Variants in ENOX1 observed in about 807,000 individuals in gnomAD.
The protein encoded by ENOX1 is ecto-NOX disulfide-thiol exchanger 1.
In ENOX1, 42 loss-of-function variants were observed where a neutral mutation model predicts 82.5. The observed-to-expected ratio is 0.51, with a 90% confidence interval of 0.40 to 0.66. The LOEUF is 0.66. Among genes scored for constraint, ENOX1 ranks in the 30% least tolerant of loss-of-function variants. The probability of loss-of-function intolerance (pLI) is 0.00; values close to 1 mark genes in which losing one functional copy is unlikely to be tolerated. For missense variants in ENOX1, 608 were observed against 811.6 expected, an observed-to-expected ratio of 0.75 and a Z score of 3.05; for synonymous variants, 271 against 282.2, an observed-to-expected ratio of 0.96 and a Z score of 0.40.
chr13:43,642,419 C>G (rs911800275), intron 2 of ENOX1, among the ~76,000 whole-genome samples: 3 of 152,072 alleles, frequency 2.0e-5, no homozygotes, highest in African/African-American at 7.2e-5. Flanking sequence ...AGAGTTTAAA[C>G]AAGAAAGTTT....
intron 1 of ENOX1, among the ~76,000 whole-genome samples, chr13:43,707,729 C>A (rs570730081): frequency 2.6e-4 from 12 of 46,336 alleles, no homozygotes; most frequent in African/African-American, 7.3e-4. Flanking sequence ...AAGACTCTGT[C>A]TCAAAAAAAA....
intron 12 of ENOX1, among the ~76,000 whole-genome samples, chr13:43,288,276 C>A (rs910142981): frequency 6.6e-6 from 1 of 152,138 alleles, no homozygotes; most frequent in African/African-American, 2.4e-5. Context: ...TAAGATTTTT[C>A]TGATTCTAGT....
rs116259060 is a variant in ENOX1 at position 43,405,525 on chromosome 13, C to G, written c.208+6391G>C. Reference sequence around the variant, plus strand: ...AAGGAAATGAGCCATCTTACCCATCCTTCTCTTTCAGCCTTCCCCACCTTC... The same window carrying G: ...AAGGAAATGAGCCATCTTACCCATCGTTCTCTTTCAGCCTTCCCCACCTTC... On this transcript the variant is annotated intron_variant, in intron 5 of 16. Transcript: ENST00000690772. 8.2e-3 allele frequency among the ~76,000 whole-genome samples: 1,255 copies of G among 152,306 alleles called. 28 individuals are homozygous for G. Among genetic ancestry groups the G allele is most frequent in the African/African-American group, 0.028 (1,183 of 41,556 alleles).
At chr13:43,473,816 T>C (rs903716947) in intron 3 of ENOX1, among the ~76,000 whole-genome samples, 11 of 152,138 alleles carry the variant, frequency 7.2e-5, no homozygotes, top group Admixed American at 6.5e-5. Context: ...CCTCTTTCTC[T>C]GAATGGAGAC....
chr13:43,463,959 G>A (rs562542248), intron 3 of ENOX1, among the ~76,000 whole-genome samples: 2 of 152,252 alleles, frequency 1.3e-5, no homozygotes, highest in East Asian at 1.9e-4. Flanking sequence ...AGAGAGAGAC[G>A]AATGACATCT....
At chr13:43,344,326 A>G (rs1360221186) in intron 9 of ENOX1, among the ~76,000 whole-genome samples, 2 of 152,156 alleles carry the variant, frequency 1.3e-5, no homozygotes, top group Non-Finnish European at 2.9e-5. Flanking sequence ...AGCTACAGAA[A>G]CGTTGCTCAC....
At chr13:43,764,804 A>C (rs1951176980) in intron 1 of ENOX1, among the ~76,000 whole-genome samples, 1 of 152,218 alleles carries the variant, frequency 6.6e-6, no homozygotes, top group Non-Finnish European at 1.5e-5. Context: ...GTCTGTGAAC[A>C]AAAAAGTTAC....
intron 3 of ENOX1, among the ~76,000 whole-genome samples, chr13:43,425,031 A>G (rs1347958852): frequency 6.6e-6 from 1 of 152,278 alleles, no homozygotes; most frequent in Non-Finnish European, 1.5e-5. Flanking sequence ...CAGAAGAGAA[A>G]AAGGCCTGAG....
At chr13:43,667,432 G>A (rs1835067592) in intron 2 of ENOX1, 47 bp downstream of exon 2, 1 of 983,480 alleles carries the variant, frequency 1.0e-6, no homozygotes, top group Non-Finnish European at 1.2e-6. Context: ...CCCATATGGT[G>A]ACAACCAACC....
chr13:43,426,019 G>A (rs2153610650), intron 3 of ENOX1, among the ~76,000 whole-genome samples: 1 of 152,306 alleles, frequency 6.6e-6, no homozygotes, highest in South Asian at 2.1e-4. Flanking sequence ...CACTTGTTAT[G>A]TTTGATCTGA....
chr13:43,672,966 G>A (rs1452780935), intron 1 of ENOX1, among the ~76,000 whole-genome samples: 1 of 152,032 alleles, frequency 6.6e-6, no homozygotes, highest in African/African-American at 2.4e-5. Flanking sequence ...ACCTCCCAAA[G>A]CCATCTGAGT....
At chr13:43,728,953 T>G (rs1328167984) in intron 1 of ENOX1, among the ~76,000 whole-genome samples, 1 of 152,212 alleles carries the variant, frequency 6.6e-6, no homozygotes, top group Non-Finnish European at 1.5e-5. Flanking sequence ...GGGAGAAAAT[T>G]TCTGCCCTTT....
chr13:43,329,616 A>G (rs905133321), intron 9 of ENOX1, among the ~76,000 whole-genome samples: 10 of 152,178 alleles, frequency 6.6e-5, no homozygotes, highest in African/African-American at 2.4e-4. Flanking sequence ...GCCATTCTCC[A>G]TTTCTTGTAT....
chr13:43,646,902 A>G (rs564422395), intron 2 of ENOX1, among the ~76,000 whole-genome samples: 2 of 152,338 alleles, frequency 1.3e-5, no homozygotes, highest in African/African-American at 4.8e-5. Context: ...CAGACAAGCA[A>G]AATTTCTATT....
At chr13:43,411,864 CT>C (rs2054147931) in intron 5 of ENOX1, 51 bp downstream of exon 5, 2 of 1,606,936 alleles carry the variant, frequency 1.2e-6, no homozygotes, top group African/African-American at 1.3e-5. Flanking sequence ...CACCTGTCAC[CT>C]ACACCCTTCG....
In ENOX1 at chr13:43,355,996, C is replaced by A; in HGVS notation, c.746G>T (p.Arg249Leu). The A allele has an allele frequency of 1.2e-6, 2 of 1,613,956 alleles. No individual in the cohort carries two copies. Among genetic ancestry groups the A allele is most frequent in the Non-Finnish European group, 1.7e-6 (2 of 1,180,034 alleles). The stretch of plus-strand genomic sequence containing the variant: ...GGCAGGCGGGGATGGGGGCCTGAGC[C>A]GGTCCTCCTCCAGCTTGCGCCGGTG... ...ERHRRKLEED[R>L]LRPPSPPAIM... Residue 249 changes from arginine (R) to leucine (L), a missense_variant, in exon 8 of 17, where the codon CGG (arginine) becomes CTG (leucine). Arg to Leu is a moderately radical substitution (Grantham distance 102, BLOSUM62 -2). Coordinates refer to ENST00000690772, the MANE Select transcript of ENOX1 (RefSeq NM_001347969.2).
intron 2 of ENOX1, among the ~76,000 whole-genome samples, chr13:43,635,112 G>T (rs2083364687): frequency 6.6e-6 from 1 of 152,172 alleles, no homozygotes; most frequent in Non-Finnish European, 1.5e-5. Context: ...CAGAAAGCCT[G>T]AAATCTGGGT....
intron 2 of ENOX1, among the ~76,000 whole-genome samples, chr13:43,568,378 AAGAGTTGTCTTCAGC>A (rs1246652466): frequency 6.6e-6 from 1 of 152,172 alleles, no homozygotes; most frequent in Admixed American, 6.6e-5. Flanking sequence ...TTTGCCAAAG[AAGAGTTGTCTTCAGC>A]AGCCGTGTCA....
intron 13 of ENOX1, among the ~76,000 whole-genome samples, chr13:43,268,815 C>G (rs1228263490): frequency 6.6e-6 from 1 of 152,164 alleles, no homozygotes; most frequent in Non-Finnish European, 1.5e-5. Context: ...AATAGGAAGG[C>G]ATTTCAAGAG....
Sources: allele counts gnomAD v4.1 joint callset (sites outside exome capture counted in the v4.1 genomes callset), GRCh38; gene constraint gnomAD v4.1.1; transcripts MANE v1.5; gene names NCBI Gene and HGNC (gene_info 2026-07-23, HGNC 2026-07-21).